Variants in TTC7A observed in about 807,000 individuals in gnomAD.
TTC7A encodes tetratricopeptide repeat protein 7A.
A neutral mutation model predicts 103.7 loss-of-function variants in TTC7A; 110 were observed. That is an observed-to-expected ratio of 1.06 (90% CI 0.91 to 1.24). The LOEUF is 1.24. Ranked by LOEUF, TTC7A falls within the 50% of genes most tolerant of loss-of-function variation. The pLI is 0.00. For synonymous variants in TTC7A, 521 were observed against 467.9 expected, an observed-to-expected ratio of 1.11 and a Z score of -1.47; for missense variants, 1,340 against 1,116.3, an observed-to-expected ratio of 1.20 and a Z score of -2.86.
intron 1 of TTC7A, chr2:46,917,142 G>C (rs1017777787): frequency 1.1e-5 from 8 of 699,622 alleles, no homozygotes; most frequent in Non-Finnish European, 2.1e-5. Flanking sequence ...CCATCCCAGA[G>C]AAAAATCCCA....
intron 11 of TTC7A, among the ~76,000 whole-genome samples, chr2:47,012,169 G>C (rs111654354): frequency 4.1e-4 from 63 of 152,348 alleles, no homozygotes; most frequent in African/African-American, 1.5e-3. Flanking sequence ...GGCCTATGGG[G>C]GCTCTTGGGC....
intron 3 of TTC7A, among the ~76,000 whole-genome samples, chr2:46,965,230 T>G (rs1283533959): frequency 6.6e-6 from 1 of 152,212 alleles, no homozygotes; most frequent in Non-Finnish European, 1.5e-5. Context: ...TGTGGCTGAT[T>G]AAAACTTTTT....
intron 16 of TTC7A, among the ~76,000 whole-genome samples, chr2:47,048,937 C>A (rs1057037141): frequency 6.6e-6 from 1 of 152,092 alleles, no homozygotes; most frequent in Non-Finnish European, 1.5e-5. Flanking sequence ...CTTTGTGCCT[C>A]CTGGGAATGG....
intron 2 of TTC7A, among the ~76,000 whole-genome samples, chr2:46,927,652 G>A (rs544239890): frequency 6.6e-6 from 1 of 151,170 alleles, no homozygotes; most frequent in South Asian, 2.1e-4. Flanking sequence ...GAGCTACCGC[G>A]CCCGGCAAAA....
chr2:47,013,015 C>T (rs1397249162), intron 11 of TTC7A, among the ~76,000 whole-genome samples: 3 of 152,176 alleles, frequency 2.0e-5, no homozygotes, highest in Non-Finnish European at 4.4e-5. Flanking sequence ...TCACTGCCCA[C>T]CCACTGGGTA....
chr2:46,934,241 G>T (rs1669851755), intron 2 of TTC7A, among the ~76,000 whole-genome samples: 1 of 152,186 alleles, frequency 6.6e-6, no homozygotes, highest in African/African-American at 2.4e-5. Flanking sequence ...GTTTTCAGAA[G>T]AAACCATTTA....
chr2:46,946,860 T>A (rs1670987271), intron 1 of TTC7A, among the ~76,000 whole-genome samples: 1 of 151,108 alleles, frequency 6.6e-6, no homozygotes, highest in Non-Finnish European at 1.5e-5. Flanking sequence ...GAGAGGAGAG[T>A]TGAGCAAAGG....
chr2:47,062,241 C>A (rs1477425370), intron 19 of TTC7A, among the ~76,000 whole-genome samples: 2 of 152,228 alleles, frequency 1.3e-5, no homozygotes, highest in African/African-American at 4.8e-5. Context: ...AGGTCATCTT[C>A]ATCAGGTCCT....
intron 2 of TTC7A, among the ~76,000 whole-genome samples, chr2:46,927,655 C>G (rs116316838): frequency 1.3e-5 from 2 of 150,812 alleles, no homozygotes; most frequent in African/African-American, 4.9e-5. Context: ...CTACCGCGCC[C>G]GGCAAAAAAA....
intron 2 of TTC7A, among the ~76,000 whole-genome samples, chr2:46,923,983 G>T (rs547996989): frequency 6.6e-6 from 1 of 152,010 alleles, no homozygotes; most frequent in African/African-American, 2.4e-5. Flanking sequence ...TGATCCACCC[G>T]CCTCGGCCTC....
chr2:47,028,511 C>T (rs1331165037), intron 14 of TTC7A, among the ~76,000 whole-genome samples: 3 of 152,104 alleles, frequency 2.0e-5, no homozygotes, highest in East Asian at 1.9e-4. Flanking sequence ...TGCAGTGCTC[C>T]GAGAAGGGAG....
At chr2:46,990,493 T>A in intron 5 of TTC7A, among the ~76,000 whole-genome samples, 1 of 152,202 alleles carries the variant, frequency 6.6e-6, no homozygotes, top group South Asian at 2.1e-4. Context: ...TTGTGTCCTC[T>A]CCCCTACTCA....
At chr2:46,943,867 G>A (rs1449484811) in intron 1 of TTC7A, among the ~76,000 whole-genome samples, 1 of 152,222 alleles carries the variant, frequency 6.6e-6, no homozygotes, top group Non-Finnish European at 1.5e-5. Flanking sequence ...GTCCAGCGGT[G>A]TCTGATATTT....
chr2:47,005,975 A>G lies in TTC7A; in HGVS notation c.1119A>G (p.Thr373=). The change falls in exon 9 of 20, where the codon ACA becomes ACG. Residue 373 remains threonine (T), a synonymous_variant. Transcript: ENST00000319190. The stretch of plus-strand genomic sequence containing the variant: ...TGCCGGAGCAGGAGGAGGACCGGAC[A>G]GTGAGCTTGCAGAATGCCGCAGCCA... ...SRVPEQEEDR[T]VSLQNAAAIY... The G allele has an allele frequency of 3.7e-6, 6 of 1,614,008 alleles. No homozygotes were observed. The highest frequency in any genetic ancestry group is 5.1e-6 in the Non-Finnish European group (6 of 1,180,012).
intron 15 of TTC7A, among the ~76,000 whole-genome samples, chr2:47,032,250 A>C (rs1680626390): frequency 6.6e-6 from 1 of 152,186 alleles, no homozygotes; most frequent in Non-Finnish European, 1.5e-5. Context: ...GCCTGAGTCC[A>C]TGGAAATGGC....
chr2:46,974,869 A>C, intron 3 of TTC7A, 104 bp from the exon 4 acceptor site: 4 of 1,483,436 alleles, frequency 2.7e-6, no homozygotes, highest in Non-Finnish European at 1.8e-6. Context: ...TGGCTGCACC[A>C]GAGTGTCTGC....
chr2:46,970,006 A>T (rs1194460134), intron 3 of TTC7A, among the ~76,000 whole-genome samples: 3 of 151,946 alleles, frequency 2.0e-5, no homozygotes, highest in African/African-American at 7.3e-5. Context: ...CTTTTTTTTA[A>T]ATTGAAATGG....
intron 5 of TTC7A, among the ~76,000 whole-genome samples, chr2:46,990,866 CT>C (rs1308470047): frequency 6.6e-6 from 1 of 152,174 alleles, no homozygotes; most frequent in Admixed American, 6.5e-5. Flanking sequence ...CAGAACCCCC[CT>C]GGTGATCTGA....
rs370566513 is a variant in TTC7A at position 47,021,254 on chromosome 2, G to T, written c.1393-608G>T. 1.6e-3 allele frequency among the ~76,000 whole-genome samples: 246 copies of T among 152,300 alleles called. 2 individuals are homozygous for T. Among genetic ancestry groups the T allele is most frequent in the African/African-American group, 5.6e-3 (232 of 41,570 alleles). Reference sequence around the variant, plus strand: ...TGGCTATCCCTTGCCCCCTAAACCGGCCTGACTCCTATGGGGGCCCAGAGT... The same window carrying T: ...TGGCTATCCCTTGCCCCCTAAACCGTCCTGACTCCTATGGGGGCCCAGAGT... On this transcript the variant is annotated intron_variant, in intron 11 of 19. Coordinates refer to ENST00000319190, the MANE Select transcript of TTC7A (RefSeq NM_020458.4).
Sources: allele counts gnomAD v4.1 joint callset (sites outside exome capture counted in the v4.1 genomes callset), GRCh38; gene constraint gnomAD v4.1.1; transcripts MANE v1.5; gene names NCBI Gene and HGNC (gene_info 2026-07-23, HGNC 2026-07-21).